The following C10orf67 variants were observed in gnomAD, a reference collection of about 807,000 sequenced individuals.
The protein encoded by C10orf67 is uncharacterized protein C10orf67, mitochondrial.
C10orf67 carries 60 observed loss-of-function variants against 35.6 expected under a neutral mutation model. That is an observed-to-expected ratio of 1.68 (90% CI 1.37 to 2.09). The LOEUF (loss-of-function observed/expected upper bound fraction) is 2.09. Among genes scored for constraint, C10orf67 ranks in the 30% most tolerant of loss-of-function variants. The pLI is 0.00. For synonymous variants in C10orf67, 167 were observed against 115.8 expected (o/e 1.44, Z -2.84); for missense variants, 474 against 330.2 (o/e 1.44, Z -3.38).
At chr10:23,245,459 T>C (rs1403803441) in intron 12 of C10orf67, among the ~76,000 whole-genome samples, 1 of 152,192 alleles carries the variant, frequency 6.6e-6, no homozygotes, top group Non-Finnish European at 1.5e-5. Flanking sequence ...AAACCATACA[T>C]CTTATCTGAT....
At position 23,203,235 on chromosome 10, in the gene C10orf67, T is replaced by A. The variant is rs1354686020; in HGVS notation, c.*938A>T. The A allele has an allele frequency of 1.3e-5, 2 of 152,208 alleles. No individual in the cohort carries two copies. The highest frequency in any genetic ancestry group is 2.4e-5 in the African/African-American group (1 of 41,442). The allele number at this position is 152,208 out of a possible 1,614,324, so 9.4% of individuals were successfully genotyped here. On this transcript the variant is annotated 3_prime_UTR_variant, in exon 16 of 16. Coordinates refer to ENST00000636213, the MANE Select transcript of C10orf67 (RefSeq NM_001371909.1). ...GCATATAGTGCATAGTAGATGAAGC[T>A]CGAATAACGCTCCACAGCGCTATAC...
intron 2 of C10orf67, among the ~76,000 whole-genome samples, chr10:23,325,978 G>C (rs938842932): frequency 3.3e-5 from 5 of 152,016 alleles, no homozygotes; most frequent in Admixed American, 3.3e-4. Flanking sequence ...TGAACTTGAA[G>C]ATGTATCAAT....
rs1447353435 is a variant in C10orf67 at position 23,204,315 on chromosome 10, C to CT, written c.1571-61dup. On this transcript the variant is annotated intron_variant, in intron 15 of 15. Coordinates refer to ENST00000636213, the MANE Select transcript of C10orf67 (RefSeq NM_001371909.1). ...TGTTTTACTTATCATACACAGACCA[C>CT]TTCCCACTCTTCCCCCAAAGCATTT... The CT allele has an allele frequency of 5.4e-5, 26 of 482,314 alleles. No individual in the cohort carries two copies. In the Admixed American group the frequency reaches 6.7e-4, roughly 12 times the overall value. 29.9% of individuals were successfully genotyped at this position (482,314 alleles called of 1,614,324 possible). A position where few individuals can be genotyped will look rare whatever the true frequency, so the allele number is the denominator to read the frequency against.
chr10:23,330,827 T>C (rs12264734), intron 2 of C10orf67, among the ~76,000 whole-genome samples: 3 of 151,620 alleles, frequency 2.0e-5, no homozygotes, highest in Non-Finnish European at 4.4e-5. Flanking sequence ...AATCAATGGG[T>C]GAAATGATCT....
intron 2 of C10orf67, among the ~76,000 whole-genome samples, chr10:23,329,644 T>G (rs961013726): frequency 3.3e-5 from 5 of 150,570 alleles, no homozygotes; most frequent in Non-Finnish European, 7.4e-5. Flanking sequence ...TACCAAAAAT[T>G]TAAAAATTAG....
chr10:23,224,707 T>C (rs1368460669), intron 13 of C10orf67, among the ~76,000 whole-genome samples: 4 of 152,150 alleles, frequency 2.6e-5, no homozygotes, highest in African/African-American at 4.8e-5. Context: ...CTGAAAACCA[T>C]GGCACAAGAA....
chr10:23,328,608 G>A (rs1389438293), intron 2 of C10orf67, among the ~76,000 whole-genome samples: 1 of 151,188 alleles, frequency 6.6e-6, no homozygotes, highest in Non-Finnish European at 1.5e-5. Flanking sequence ...GATATTTTAT[G>A]AAGCCAATGC....
At chr10:23,245,986 A>G (rs994305611) in intron 12 of C10orf67, among the ~76,000 whole-genome samples, 1 of 152,128 alleles carries the variant, frequency 6.6e-6, no homozygotes, top group Non-Finnish European at 1.5e-5. Flanking sequence ...ATAAAAAAAT[A>G]CGGTACACAT....
intron 8 of C10orf67, among the ~76,000 whole-genome samples, chr10:23,274,453 C>T (rs1169691065): frequency 6.6e-6 from 1 of 152,076 alleles, no homozygotes; most frequent in Non-Finnish European, 1.5e-5. Flanking sequence ...GAATGCATTC[C>T]TTTCCCAGGA....
At chr10:23,205,314 C>T (rs1450804301) in intron 15 of C10orf67, among the ~76,000 whole-genome samples, 1 of 152,178 alleles carries the variant, frequency 6.6e-6, no homozygotes, top group Non-Finnish European at 1.5e-5. Context: ...TTGTGAGATG[C>T]CTGGAAATAG....
At chr10:23,252,407 A>G (rs1842478993) in intron 10 of C10orf67, among the ~76,000 whole-genome samples, 1 of 152,208 alleles carries the variant, frequency 6.6e-6, no homozygotes, top group Admixed American at 6.5e-5. Context: ...ATATATTTTA[A>G]ATTTTTGTCT....
At chr10:23,283,421 C>G (rs1843430286) in intron 7 of C10orf67, among the ~76,000 whole-genome samples, 1 of 152,166 alleles carries the variant, frequency 6.6e-6, no homozygotes, top group African/African-American at 2.4e-5. Flanking sequence ...TGTTTCAGTT[C>G]TTTATTGTTT....
intron 15 of C10orf67, among the ~76,000 whole-genome samples, chr10:23,211,478 T>TGTGTG (rs1352917426): frequency 1.4e-5 from 2 of 147,454 alleles, no homozygotes; most frequent in African/African-American, 2.5e-5. Context: ...TGTGTGTGTG[T>TGTGTG]GGGGGGGGGG....
chr10:23,228,041 T>G (rs1320542817), intron 13 of C10orf67, among the ~76,000 whole-genome samples: 1 of 152,010 alleles, frequency 6.6e-6, no homozygotes, highest in African/African-American at 2.4e-5. Context: ...TCAATGCCAT[T>G]CCCATCAAGC....
intron 4 of C10orf67, among the ~76,000 whole-genome samples, chr10:23,311,302 G>T (rs1844484142): frequency 6.6e-6 from 1 of 152,158 alleles, no homozygotes; most frequent in Non-Finnish European, 1.5e-5. Flanking sequence ...TCATCGAGAG[G>T]TTCTTTCTGA....
rs1843709044 is a variant in C10orf67, at chr10:23,291,142, A to G, written c.840T>C (p.Asn280=). ...ATTTCAAAATGTTACCTAATCCTGA[A>G]TTTTCTTTTAGATTGATCTGGATTT... is the stretch of plus-strand genomic sequence containing the variant. ...EEEIQINLKE[N]SGLEDELISM... is the part of the protein sequence containing the mutation. Residue 280 remains asparagine (N), a synonymous_variant, in exon 6 of 16, where the codon AAT becomes AAC. Transcript: ENST00000636213. 1 of 707,526 alleles carries G rather than the reference A, an allele frequency of 1.4e-6. No homozygotes were observed. 43.8% of individuals were successfully genotyped at this position (707,526 alleles called of 1,614,324 possible).
intron 15 of C10orf67, among the ~76,000 whole-genome samples, chr10:23,216,547 A>T (rs923431876): frequency 2.6e-5 from 4 of 152,172 alleles, no homozygotes; most frequent in Admixed American, 6.5e-5. Flanking sequence ...CTATTTATGA[A>T]TCTAACAAAT....
chr10:23,237,423 TGA>T (rs1842077918), intron 13 of C10orf67, among the ~76,000 whole-genome samples: 1 of 152,172 alleles, frequency 6.6e-6, no homozygotes, highest in Non-Finnish European at 1.5e-5. Context: ...CACTCCTACC[TGA>T]GAGATATTAA....
intron 4 of C10orf67, among the ~76,000 whole-genome samples, chr10:23,312,501 C>T (rs1375434773): frequency 1.3e-5 from 2 of 152,116 alleles, no homozygotes; most frequent in Non-Finnish European, 2.9e-5. Context: ...CCAAAAAGCC[C>T]TGGTTTCTTT....
Sources: allele counts gnomAD v4.1 joint callset (sites outside exome capture counted in the v4.1 genomes callset), GRCh38; gene constraint gnomAD v4.1.1; transcripts MANE v1.5; gene names NCBI Gene and HGNC (gene_info 2026-07-23, HGNC 2026-07-21).